The following PRKAR2A variants were observed in gnomAD, a reference collection of about 807,000 sequenced individuals.
The protein encoded by PRKAR2A is cAMP-dependent protein kinase type II-alpha regulatory subunit.
Under a neutral mutation model 51.9 loss-of-function variants are expected in PRKAR2A, and 29 were observed. The ratio of observed to expected loss-of-function variants is 0.56; its 90% CI spans 0.42 to 0.76. The LOEUF (loss-of-function observed/expected upper bound fraction) is 0.76. PRKAR2A is among the 30% of genes least tolerant of loss of function. The pLI is 0.00. For synonymous variants in PRKAR2A, 178 were observed against 186.2 expected, an observed-to-expected ratio of 0.96 and a Z score of 0.36; for missense variants, 445 against 512.1, an observed-to-expected ratio of 0.87 and a Z score of 1.26.
At chr3:48,816,476 T>C (rs1373590880) in intron 1 of PRKAR2A, among the ~76,000 whole-genome samples, 1 of 151,612 alleles carries the variant, frequency 6.6e-6, no homozygotes, top group Non-Finnish European at 1.5e-5. Context: ...CCATCTCTAC[T>C]AAAATACAAA....
At position 48,772,941 on chromosome 3, in the gene PRKAR2A, T is replaced by C. The variant is rs2082049706; in HGVS notation, c.696+14A>G. ...ATACTGTGCCTTGCAAGGGGAACGA[T>C]TTCTCTCACTCACCAGTCCCCAAAG... On this transcript the variant is annotated intron_variant, in intron 6 of 10. Transcript: ENST00000265563. 1.0e-5 allele frequency: 16 copies of C among 1,606,998 alleles called. No individual in the cohort carries two copies. The highest frequency in any genetic ancestry group is 1.3e-5 in the African/African-American group (1 of 74,750).
At position 48,748,128 on chromosome 3, in the gene PRKAR2A, CTTTT is replaced by C. The variant is rs35267173; in HGVS notation, c.*3453_*3456del. On this transcript the variant is annotated 3_prime_UTR_variant, in exon 11 of 11. Transcript: ENST00000265563. ...TCAATCAGTAGTTGGAGGAGGATGA[CTTTT>C]TTTTTTTTTTTTTGAGATAGGGTCC... The C allele has an allele frequency of 5.3e-4, 73 of 136,574 alleles. No homozygotes were observed. Among genetic ancestry groups the C allele is most frequent in the African/African-American group, 1.8e-3 (67 of 37,038 alleles). The allele number at this position is 136,574 out of a possible 1,614,324, so 8.5% of individuals were successfully genotyped here.
At chr3:48,778,821 A>ATTT (rs759904828) in intron 5 of PRKAR2A, among the ~76,000 whole-genome samples, 5 of 86,408 alleles carry the variant, frequency 5.8e-5, no homozygotes, top group Non-Finnish European at 9.3e-5. Context: ...CTCGGCCTGC[A>ATTT]TTTTTTTTTT....
chr3:48,815,242 A>G (rs573065915), intron 1 of PRKAR2A, among the ~76,000 whole-genome samples: 2 of 152,184 alleles, frequency 1.3e-5, no homozygotes, highest in East Asian at 3.9e-4. Flanking sequence ...AAGCCCCTTG[A>G]TATTCAAACA....
downstream of PRKAR2A, chr3:48,744,682 C>T (rs1365412020): frequency 1.3e-5 from 2 of 152,130 alleles, no homozygotes; most frequent in Non-Finnish European, 2.9e-5. Flanking sequence ...TTCATATGCT[C>T]CCACAGTTGG....
intron 1 of PRKAR2A, among the ~76,000 whole-genome samples, chr3:48,844,902 G>A (rs550799756): frequency 2.6e-4 from 39 of 151,212 alleles, no homozygotes; most frequent in Middle Eastern, 3.4e-3. Context: ...AATGGGTGCA[G>A]CACACCAGCA....
At chr3:48,783,935 T>C (rs781637972) in intron 4 of PRKAR2A, among the ~76,000 whole-genome samples, 2 of 152,108 alleles carry the variant, frequency 1.3e-5, no homozygotes, top group Non-Finnish European at 2.9e-5. Flanking sequence ...AGGTCATCAA[T>C]TTTTATGACC....
chr3:48,808,543 G>A (rs1176965738), intron 1 of PRKAR2A, among the ~76,000 whole-genome samples: 6 of 150,672 alleles, frequency 4.0e-5, no homozygotes, highest in Non-Finnish European at 8.9e-5. Flanking sequence ...GTGAGCCACC[G>A]CGCCTGGCCT....
intron 1 of PRKAR2A, among the ~76,000 whole-genome samples, chr3:48,829,863 ATATATATATTT>A (rs1445804935): frequency 1.2e-5 from 1 of 82,468 alleles, no homozygotes; most frequent in Non-Finnish European, 2.1e-5. Flanking sequence ...ATATATATAT[ATATATATATTT>A]TTTTTTTTTT....
At chr3:48,769,952 T>C (rs2082005610) in intron 6 of PRKAR2A, among the ~76,000 whole-genome samples, 1 of 152,138 alleles carries the variant, frequency 6.6e-6, no homozygotes, top group South Asian at 2.1e-4. Flanking sequence ...AATTTCTTAT[T>C]TTTCATAGAG....
intron 6 of PRKAR2A, among the ~76,000 whole-genome samples, chr3:48,770,068 C>G (rs901370672): frequency 1.3e-5 from 2 of 152,176 alleles, no homozygotes; most frequent in Non-Finnish European, 2.9e-5. Context: ...AGTCACCACA[C>G]CCAGCTGGTT....
Position 48,847,638 on chromosome 3 carries a change from G to A in PRKAR2A, c.-42C>T, listed in dbSNP as rs1290414791. The A allele has an allele frequency of 7.8e-6, 11 of 1,404,738 alleles. No individual in the cohort carries two copies. The East Asian group carries it at 2.9e-4, about 38-fold the overall frequency. 87.0% of individuals were successfully genotyped at this position (1,404,738 alleles called of 1,614,324 possible). A position where few individuals can be genotyped will look rare whatever the true frequency, so the allele number is the denominator to read the frequency against. ...GGGATAGACGGGTTGGGCCGCCGGC[G>A]GCCACTGTCTCCGCGCTCACTCACG... On this transcript the variant is annotated 5_prime_UTR_variant, in exon 1 of 11. Coordinates refer to ENST00000265563, the MANE Select transcript of PRKAR2A (RefSeq NM_004157.4). The surrounding 1 kb of genome is among the most constrained non-coding windows in gnomAD (Gnocchi z 4.4).
At chr3:48,813,109 T>A (rs542923464) in intron 1 of PRKAR2A, among the ~76,000 whole-genome samples, 9 of 151,992 alleles carry the variant, frequency 5.9e-5, no homozygotes, top group Admixed American at 5.9e-4. Context: ...CCTTAATTCT[T>A]CCTTGGGTAT....
chr3:48,746,194 TA>T (rs1384708596), downstream of PRKAR2A, among the ~76,000 whole-genome samples: 1 of 151,882 alleles, frequency 6.6e-6, no homozygotes, highest in African/African-American at 2.4e-5. Context: ...CCCACCTCCA[TA>T]ACTGTGTGAG....
At position 48,847,621 on chromosome 3, in the gene PRKAR2A, C is replaced by A. The variant is rs1302540315; in HGVS notation, c.-25G>T. ...TGCCGGCGGCGGCCGAAGGGATAGA[C>A]GGGTTGGGCCGCCGGCGGCCACTGT... is the stretch of plus-strand genomic sequence containing the variant. On this transcript the variant is annotated 5_prime_UTR_variant, in exon 1 of 11. Coordinates refer to ENST00000265563, the MANE Select transcript of PRKAR2A (RefSeq NM_004157.4). This position sits in a 1 kb window ranked among gnomAD's most constrained non-coding sequence, Gnocchi z 4.4. 20 of 1,420,966 alleles carry A rather than the reference C, an allele frequency of 1.4e-5. No individual in the cohort carries two copies. The highest frequency in any genetic ancestry group is 1.6e-5 in the Non-Finnish European group (18 of 1,094,196). The allele number at this position is 1,420,966 out of a possible 1,614,324, so 88.0% of individuals were successfully genotyped here. A position where few individuals can be genotyped will look rare whatever the true frequency, so the allele number is the denominator to read the frequency against.
chr3:48,847,751 G>C lies in PRKAR2A; in HGVS notation c.-155C>G. Reference sequence around the variant, plus strand: ...CTCTTTGGCCGGCTCTGCGTTTCCGGGCCGCGCAACCCTACGCTACCACGG... The same window carrying C: ...CTCTTTGGCCGGCTCTGCGTTTCCGCGCCGCGCAACCCTACGCTACCACGG... On this transcript the variant is annotated 5_prime_UTR_variant, in exon 1 of 11. Coordinates refer to ENST00000265563, the MANE Select transcript of PRKAR2A (RefSeq NM_004157.4). This position sits in a 1 kb window ranked among gnomAD's most constrained non-coding sequence, Gnocchi z 4.4. The C allele has an allele frequency of 9.9e-6, 8 of 804,628 alleles. No homozygotes were observed. The highest frequency in any genetic ancestry group is 1.4e-5 in the Non-Finnish European group (8 of 572,262). The allele number at this position is 804,628 out of a possible 1,614,324, so 49.8% of individuals were successfully genotyped here. A position where few individuals can be genotyped will look rare whatever the true frequency, so the allele number is the denominator to read the frequency against.
At chr3:48,812,855 C>T (rs917615966) in intron 1 of PRKAR2A, among the ~76,000 whole-genome samples, 1 of 152,166 alleles carries the variant, frequency 6.6e-6, no homozygotes, top group African/African-American at 2.4e-5. Flanking sequence ...TTCTGAAATA[C>T]ACGTGGATTT....
chr3:48,844,439 G>A (rs2083428734), intron 1 of PRKAR2A, among the ~76,000 whole-genome samples: 1 of 150,134 alleles, frequency 6.7e-6, no homozygotes, highest in African/African-American at 2.5e-5. Context: ...CGATTCCTCA[G>A]GGATCTAGAA....
chr3:48,756,532 G>T, intron 8 of PRKAR2A, 88 bp from the exon 9 acceptor site: 2 of 937,852 alleles, frequency 2.1e-6, no homozygotes, highest in Non-Finnish European at 3.4e-6. Flanking sequence ...CTTAAGCTCT[G>T]ATTTGTATTT....
Sources: allele counts gnomAD v4.1 joint callset (sites outside exome capture counted in the v4.1 genomes callset), GRCh38; gene constraint gnomAD v4.1.1; non-coding constraint Gnocchi (gnomAD v3.1); transcripts MANE v1.5; gene names NCBI Gene and HGNC (gene_info 2026-07-23, HGNC 2026-07-21).